The following AZI2 variants were observed in gnomAD, a reference collection of about 807,000 sequenced individuals.
AZI2 encodes the protein 5-azacytidine-induced protein 2.
AZI2 carries 22 observed loss-of-function variants against 45.8 expected under a neutral mutation model. The ratio of observed to expected loss-of-function variants is 0.48; its 90% CI spans 0.34 to 0.69. The LOEUF is 0.69. Ranked by LOEUF, AZI2 falls within the 30% of genes least tolerant of loss-of-function variation. The pLI, the probability that AZI2 is intolerant of heterozygous loss-of-function variation, is 0.01. For synonymous variants in AZI2, 137 were observed against 156.7 expected, an observed-to-expected ratio of 0.87 and a Z score of 0.94; for missense variants, 417 against 441.5, an observed-to-expected ratio of 0.94 and a Z score of 0.50.
At chr3:28,325,019 A>G (rs1435477009) in intron 7 of AZI2, 1 of 150,726 alleles carries the variant, frequency 6.6e-6, no homozygotes, top group Non-Finnish European at 1.5e-5. Flanking sequence ...GTTTTTATAT[A>G]TCAAAGGCTT....
chr3:28,332,694 A>G (rs1703630024), intron 5 of AZI2, among the ~76,000 whole-genome samples: 1 of 151,876 alleles, frequency 6.6e-6, no homozygotes, highest in Admixed American at 6.6e-5. Context: ...AGACCTTGTA[A>G]TCTTACAAAA....
At chr3:28,333,563 C>G (rs1577128424) in intron 5 of AZI2, among the ~76,000 whole-genome samples, 1 of 151,436 alleles carries the variant, frequency 6.6e-6, no homozygotes, top group Non-Finnish European at 1.5e-5. Context: ...GAAAACCTTC[C>G]TCATTTTTAA....
rs945022578 is a variant in AZI2 at position 28,348,692 on chromosome 3, A to C, written c.-97T>G. The C allele has an allele frequency of 6.5e-6, 1 of 153,520 alleles. No homozygotes were observed. The highest frequency in any genetic ancestry group is 1.9e-4 in the East Asian group (1 of 5,190). 9.5% of individuals were successfully genotyped at this position (153,520 alleles called of 1,614,324 possible). ...CGGACCGAAAACAAACCGGGTCGCC[A>C]GGGGTCACCACGGGCTTCCGGTTTC... On this transcript the variant is annotated 5_prime_UTR_variant, in exon 1 of 8. Coordinates refer to ENST00000479665, the MANE Select transcript of AZI2 (RefSeq NM_022461.5).
intron 1 of AZI2, among the ~76,000 whole-genome samples, chr3:28,342,853 G>A (rs112689993): frequency 7.1e-4 from 108 of 152,020 alleles, no homozygotes; most frequent in African/African-American, 2.6e-3. Flanking sequence ...GTAGACATTT[G>A]ACTTAAATAA....
chr3:28,337,035 A>G (rs1703822339), intron 4 of AZI2, 150 bp from the exon 5 acceptor site: 1 of 711,512 alleles, frequency 1.4e-6, no homozygotes, highest in African/African-American at 1.8e-5. Flanking sequence ...AGTAATTATT[A>G]ATACTTTCAA....
intron 1 of AZI2, among the ~76,000 whole-genome samples, chr3:28,340,869 T>C (rs1256865953): frequency 6.6e-6 from 1 of 152,012 alleles, no homozygotes; most frequent in African/African-American, 2.4e-5. Flanking sequence ...TTAAGAATAT[T>C]AAATTATATC....
intron 6 of AZI2, chr3:28,331,953 G>C (rs1195252827): frequency 6.6e-7 from 1 of 1,518,288 alleles, no homozygotes; most frequent in Non-Finnish European, 8.9e-7. Flanking sequence ...CAGATACTCT[G>C]TCTCAAAAAA....
rs1703206681 is a variant in AZI2 at position 28,322,182 on chromosome 3, ACT to A, written c.*1858_*1859del. Reference sequence around the variant, plus strand: ...ACACTTTAAACTGTCACAGTCACTGACTTTTTAGTATACCTGTTTGATAGCTA... The same window carrying A: ...ACACTTTAAACTGTCACAGTCACTGATTTTAGTATACCTGTTTGATAGCTA... On this transcript the variant is annotated 3_prime_UTR_variant, in exon 8 of 8. Transcript: ENST00000479665. The A allele has an allele frequency of 6.6e-6, 1 of 151,126 alleles. No homozygotes were observed. The highest frequency in any genetic ancestry group is 2.4e-5 in the African/African-American group (1 of 41,254). 9.4% of individuals were successfully genotyped at this position (151,126 alleles called of 1,614,324 possible). A position where few individuals can be genotyped will look rare whatever the true frequency, so the allele number is the denominator to read the frequency against.
At position 28,323,955 on chromosome 3, in the gene AZI2, TCTC is replaced by T. The variant is rs1341234706; in HGVS notation, c.*84_*86del. 5 of 1,430,866 alleles carry T rather than the reference TCTC, an allele frequency of 3.5e-6. No individual in the cohort carries two copies. Among genetic ancestry groups the T allele is most frequent in the African/African-American group, 2.9e-5 (2 of 69,410 alleles). The allele number at this position is 1,430,866 out of a possible 1,614,324, so 88.6% of individuals were successfully genotyped here. ...GACCTCTGCAAAATTTTAATCAAAA[TCTC>T]CTTTCAGTTTGTTAAATAATTTCTT... On this transcript the variant is annotated 3_prime_UTR_variant, in exon 8 of 8. Coordinates refer to ENST00000479665, the MANE Select transcript of AZI2 (RefSeq NM_022461.5).
At chr3:28,331,797 T>C in intron 6 of AZI2, 1 of 1,528,208 alleles carries the variant, frequency 6.5e-7, no homozygotes, top group Non-Finnish European at 8.8e-7. Context: ...TTGAAGTTAC[T>C]TAAGTAAAAA....
intron 6 of AZI2, among the ~76,000 whole-genome samples, chr3:28,327,786 G>A (rs1204456003): frequency 6.7e-6 from 1 of 149,798 alleles, no homozygotes; most frequent in Non-Finnish European, 1.5e-5. Flanking sequence ...AAAATCTTCA[G>A]CACATATTCT....
chr3:28,330,931 G>A (rs192911141), intron 6 of AZI2, among the ~76,000 whole-genome samples: 53 of 151,442 alleles, frequency 3.5e-4, no homozygotes, highest in African/African-American at 1.1e-3. Context: ...AGAATTGCGA[G>A]ACTATACTCT....
Position 28,323,136 on chromosome 3 carries a change from A to G in AZI2, c.*906T>C, listed in dbSNP as rs920219377. Reference sequence around the variant, plus strand: ...TAAATAGAATATTACATTTCAACACAAAGTCTAACAATTTAGAAGCTGCTC... The same window carrying G: ...TAAATAGAATATTACATTTCAACACGAAGTCTAACAATTTAGAAGCTGCTC... On this transcript the variant is annotated 3_prime_UTR_variant, in exon 8 of 8. Coordinates refer to ENST00000479665, the MANE Select transcript of AZI2 (RefSeq NM_022461.5). 6.6e-6 allele frequency: 1 copy of G among 150,828 alleles called. No homozygotes were observed. Among genetic ancestry groups the G allele is most frequent in the African/African-American group, 2.4e-5 (1 of 41,192 alleles). 9.3% of individuals were successfully genotyped at this position (150,828 alleles called of 1,614,324 possible). A position where few individuals can be genotyped will look rare whatever the true frequency, so the allele number is the denominator to read the frequency against.
rs1314728223 is a variant in AZI2, at chr3:28,323,802, TATTA to T, written c.*236_*239del. The T allele has an allele frequency of 6.1e-6, 2 of 327,202 alleles. No homozygotes were observed. The highest frequency in any genetic ancestry group is 2.1e-5 in the African/African-American group (1 of 47,122). The allele number at this position is 327,202 out of a possible 1,614,324, so 20.3% of individuals were successfully genotyped here. On this transcript the variant is annotated 3_prime_UTR_variant, in exon 8 of 8. Transcript: ENST00000479665. ...GTTTTTTAAACACCTTAAGTTTACTTATTAATTAGTATAGTAGCATATTTCAGAT... is the reference window on the plus strand; with the variant it reads ...GTTTTTTAAACACCTTAAGTTTACTTATTAGTATAGTAGCATATTTCAGAT...
chr3:28,343,845 T>C (rs1704123285), intron 1 of AZI2, among the ~76,000 whole-genome samples: 1 of 152,164 alleles, frequency 6.6e-6, no homozygotes, highest in Middle Eastern at 3.4e-3. Context: ...GTACTTTACA[T>C]GGAAGGGGGT....
At chr3:28,345,955 T>C (rs1220925864) in intron 1 of AZI2, among the ~76,000 whole-genome samples, 1 of 152,168 alleles carries the variant, frequency 6.6e-6, no homozygotes, top group Non-Finnish European at 1.5e-5. Flanking sequence ...TGCCAGTCAC[T>C]AGTGCTTTCA....
intron 5 of AZI2, 95 bp downstream of exon 5, chr3:28,336,642 A>AT: frequency 2.3e-6 from 3 of 1,280,554 alleles, no homozygotes; most frequent in Non-Finnish European, 3.2e-6. Flanking sequence ...ATTACAATTT[A>AT]TTTTAACTCT....
Position 28,322,798 on chromosome 3 carries a change from GTATGTA to G in AZI2, c.*1238_*1243del, listed in dbSNP as rs1484150226. 2 of 151,442 alleles carry G rather than the reference GTATGTA, an allele frequency of 1.3e-5. No individual in the cohort carries two copies. The highest frequency in any genetic ancestry group is 3.0e-5 in the Non-Finnish European group (2 of 67,394). 9.4% of individuals were successfully genotyped at this position (151,442 alleles called of 1,614,324 possible). A position where few individuals can be genotyped will look rare whatever the true frequency, so the allele number is the denominator to read the frequency against. On this transcript the variant is annotated 3_prime_UTR_variant, in exon 8 of 8. Transcript: ENST00000479665. ...CTAGTGAATGGCGAACATTGTCTAT[GTATGTA>G]TGCTATTCAGTAATACAGTAGAAGA...
chr3:28,343,166 C>T (rs1032595738), intron 1 of AZI2, among the ~76,000 whole-genome samples: 1 of 151,770 alleles, frequency 6.6e-6, no homozygotes, highest in Non-Finnish European at 1.5e-5. Context: ...TTTGAAACAA[C>T]AGAATGTTAT....
Sources: gnomAD v4.1 joint callset for allele counts (sites outside exome capture counted in the v4.1 genomes callset) on GRCh38, gnomAD v4.1.1 for gene constraint, MANE v1.5 for transcripts, NCBI Gene and HGNC (gene_info 2026-07-23, HGNC 2026-07-21) for gene names.